Variants in UTRN observed in about 807,000 individuals in gnomAD.
The protein encoded by UTRN is utrophin.
In UTRN, 283 loss-of-function variants were observed where a neutral mutation model predicts 463.9. The ratio of observed to expected loss-of-function variants is 0.61; its 90% CI spans 0.55 to 0.67. UTRN has a LOEUF of 0.67. UTRN is among the 30% of genes least tolerant of loss of function. The probability of loss-of-function intolerance (pLI) is 0.00; values close to 1 mark genes in which losing one functional copy is unlikely to be tolerated. For synonymous variants in UTRN, 1,442 were observed against 1,431.5 expected, an observed-to-expected ratio of 1.01 and a Z score of -0.17; for missense variants, 3,922 against 4,084.3, an observed-to-expected ratio of 0.96 and a Z score of 1.08.
intron 52 of UTRN, among the ~76,000 whole-genome samples, chr6:144,680,592 A>ATTTATTT (rs1782106340): frequency 6.6e-6 from 1 of 152,188 alleles, no homozygotes; most frequent in African/African-American, 2.4e-5. Context: ...TTCTGTGCTT[A>ATTTATTT]AGGCATTGCT....
intron 51 of UTRN, among the ~76,000 whole-genome samples, chr6:144,587,458 A>T (rs532560113): frequency 6.6e-6 from 1 of 152,284 alleles, no homozygotes; most frequent in African/African-American, 2.4e-5. Flanking sequence ...GAGTAAATAG[A>T]TAATGAACAT....
chr6:144,548,996 G>A, intron 47 of UTRN, 142 bp downstream of exon 47: 2 of 803,202 alleles, frequency 2.5e-6, no homozygotes, highest in Non-Finnish European at 3.9e-6. Flanking sequence ...ACCATTCAGG[G>A]CTAACTACAA....
chr6:144,389,360 A>G (rs1287167542), intron 2 of UTRN, among the ~76,000 whole-genome samples: 1 of 151,980 alleles, frequency 6.6e-6, no homozygotes, highest in Non-Finnish European at 1.5e-5. Context: ...TAGCTTAGTG[A>G]TTTTTGGGGC....
intron 50 of UTRN, among the ~76,000 whole-genome samples, chr6:144,558,584 A>T (rs950062164): frequency 9.2e-5 from 14 of 152,288 alleles, no homozygotes; most frequent in African/African-American, 3.1e-4. Flanking sequence ...ATACATATGT[A>T]ACAAACCTGC....
chr6:144,679,996 CT>C (rs1331032800), intron 52 of UTRN, among the ~76,000 whole-genome samples: 1 of 152,030 alleles, frequency 6.6e-6, no homozygotes, highest in Non-Finnish European at 1.5e-5. Flanking sequence ...AGGGATTATA[CT>C]TTTTTAAGAT....
intron 51 of UTRN, among the ~76,000 whole-genome samples, chr6:144,647,337 A>G (rs748654820): frequency 1.4e-4 from 21 of 152,168 alleles, no homozygotes; most frequent in Non-Finnish European, 2.5e-4. Flanking sequence ...TCATGTGTCA[A>G]TCTGAAAAGA....
intron 23 of UTRN, among the ~76,000 whole-genome samples, chr6:144,471,444 CT>C: frequency 6.6e-6 from 1 of 152,344 alleles, no homozygotes; most frequent in African/African-American, 2.4e-5. Context: ...GTAATGCATT[CT>C]TTAAAAGTGC....
intron 51 of UTRN, among the ~76,000 whole-genome samples, chr6:144,636,835 A>G (rs368305649): frequency 1.3e-4 from 20 of 152,180 alleles, no homozygotes; most frequent in African/African-American, 4.6e-4. Flanking sequence ...GTGAAAGAAC[A>G]TGATTGGATT....
chr6:144,393,447 C>A (rs1322405452), intron 2 of UTRN, among the ~76,000 whole-genome samples: 3 of 152,130 alleles, frequency 2.0e-5, no homozygotes, highest in Non-Finnish European at 4.4e-5. Context: ...ATGTTGAAAT[C>A]TTCTAAAGTA....
intron 55 of UTRN, among the ~76,000 whole-genome samples, chr6:144,749,267 A>G (rs2128722727): frequency 6.6e-6 from 1 of 152,358 alleles, no homozygotes; most frequent in East Asian, 1.9e-4. Flanking sequence ...GTGTAGTCAG[A>G]TAAAAATAAG....
At chr6:144,491,299 A>G (rs952361378) in intron 32 of UTRN, among the ~76,000 whole-genome samples, 197 bp downstream of exon 32, 1 of 152,052 alleles carries the variant, frequency 6.6e-6, no homozygotes, top group Non-Finnish European at 1.5e-5. Flanking sequence ...GATAAGAGAG[A>G]TAGCTAAGGA....
intron 52 of UTRN, among the ~76,000 whole-genome samples, chr6:144,681,563 CT>C (rs1352196409): frequency 1.4e-5 from 2 of 148,106 alleles, no homozygotes; most frequent in African/African-American, 2.5e-5. Flanking sequence ...TTGCCAGGGC[CT>C]TTTTTTTTTC....
At chr6:144,577,571 T>G (rs1801560950) in intron 51 of UTRN, among the ~76,000 whole-genome samples, 1 of 152,200 alleles carries the variant, frequency 6.6e-6, no homozygotes, top group African/African-American at 2.4e-5. Flanking sequence ...AGCCCTATTA[T>G]GGTTAGCTTT....
At chr6:144,484,503 C>T (rs1417504600) in intron 27 of UTRN, among the ~76,000 whole-genome samples, 5 of 117,552 alleles carry the variant, frequency 4.3e-5, no homozygotes, top group African/African-American at 1.4e-4. Flanking sequence ...AGGGCAGTGG[C>T]GTGGCCTGGG....
At position 144,533,165 on chromosome 6, in the gene UTRN, C is replaced by A. The variant is rs1797215812; in HGVS notation, c.6138C>A (p.Leu2046=). The A allele has an allele frequency of 1.9e-6, 3 of 1,614,174 alleles. No homozygotes were observed. The highest frequency in any genetic ancestry group is 2.5e-6 in the Non-Finnish European group (3 of 1,180,024). Residue 2046 remains leucine (L), a synonymous_variant, in exon 43 of 75, where the codon CTC becomes CTA. Transcript: ENST00000367545. ...CTGGGGATGGGATTGTGCAGAAACT[C>A]TCCCAGGCAGATGGAAGCTTCTTGA... ...NRTGDGIVQK[L]SQADGSFLKE...
intron 23 of UTRN, among the ~76,000 whole-genome samples, chr6:144,471,069 A>AG (rs1187954520): frequency 1.7e-4 from 1 of 5,890 alleles, no homozygotes; most frequent in Non-Finnish European, 3.5e-4. Flanking sequence ...AGGGAGGGGG[A>AG]GGGGGCGAGG....
intron 50 of UTRN, among the ~76,000 whole-genome samples, chr6:144,565,105 ATG>A (rs1800286076): frequency 2.6e-5 from 4 of 152,140 alleles, no homozygotes; most frequent in Admixed American, 2.6e-4. Flanking sequence ...TGGAAATAAG[ATG>A]TTAGATTTGC....
At chr6:144,509,557 G>A (rs1795002987) in intron 34 of UTRN, among the ~76,000 whole-genome samples, 1 of 151,900 alleles carries the variant, frequency 6.6e-6, no homozygotes, top group South Asian at 2.1e-4. Context: ...CAAATTCACA[G>A]CACATTCTCT....
chr6:144,700,263 T>C lies in UTRN; in HGVS notation c.7809+20T>C. 1 of 1,594,684 alleles carries C rather than the reference T, an allele frequency of 6.3e-7. No homozygotes were observed. The highest frequency in any genetic ancestry group is 1.1e-5 in the South Asian group (1 of 88,474). On this transcript the variant is annotated intron_variant, in intron 53 of 74. Coordinates refer to ENST00000367545, the MANE Select transcript of UTRN (RefSeq NM_007124.3). The stretch of plus-strand genomic sequence containing the variant: ...TGTAAGGTAAGTGGATAACCTATAG[T>C]GAGTCGCTTAATTCAAATTCTAGTG...
Sources: allele counts gnomAD v4.1 joint callset (sites outside exome capture counted in the v4.1 genomes callset), GRCh38; gene constraint gnomAD v4.1.1; transcripts MANE v1.5; gene names NCBI Gene and HGNC (gene_info 2026-07-23, HGNC 2026-07-21).